The following FAH variants were observed in gnomAD, a reference collection of about 807,000 sequenced individuals.
FAH encodes fumarylacetoacetase.
In FAH, 47 loss-of-function variants were observed where a neutral mutation model predicts 55.8. That is an observed-to-expected ratio of 0.84 (90% CI 0.67 to 1.07). The LOEUF is 1.07. Ranked by LOEUF, FAH falls within the 50% of genes least tolerant of loss-of-function variation. FAH has a pLI of 0.00. For synonymous variants in FAH, 199 were observed against 207.7 expected (o/e 0.96, Z 0.36); for missense variants, 495 against 545.9 (o/e 0.91, Z 0.93).
intron 5 of FAH, among the ~76,000 whole-genome samples, chr15:80,164,630 T>A (rs1420869015): frequency 1.3e-5 from 2 of 152,156 alleles, no homozygotes; most frequent in African/African-American, 4.8e-5. Flanking sequence ...CAAAAAATAT[T>A]AGACTCCAGA....
chr15:80,170,373 G>T (rs2041230268), intron 7 of FAH, among the ~76,000 whole-genome samples: 1 of 152,164 alleles, frequency 6.6e-6, no homozygotes, highest in African/African-American at 2.4e-5. Flanking sequence ...GTTGGTGGAG[G>T]CAGGCTGAAA....
intron 1 of FAH, among the ~76,000 whole-genome samples, chr15:80,154,851 T>C (rs2041084799): frequency 6.6e-6 from 1 of 152,184 alleles, no homozygotes; most frequent in African/African-American, 2.4e-5. Flanking sequence ...ACAGGGGTGC[T>C]CTCTGTGAAG....
chr15:80,175,588 G>A (rs973545047), intron 10 of FAH, among the ~76,000 whole-genome samples: 2 of 152,056 alleles, frequency 1.3e-5, no homozygotes, highest in South Asian at 2.1e-4. Context: ...AGACAGACCC[G>A]AGATCCCCAC....
At chr15:80,159,952 A>G (rs1248663800) in intron 3 of FAH, 75 bp downstream of exon 3, 4 of 1,558,384 alleles carry the variant, frequency 2.6e-6, no homozygotes, top group Non-Finnish European at 3.5e-6. Context: ...TATCAGTGCC[A>G]TTCTGAGTCA....
At position 80,153,192 on chromosome 15, in the gene FAH, G is replaced by C. The variant is rs578112638; in HGVS notation, c.81+57G>C. 1.5e-5 allele frequency: 17 copies of C among 1,154,346 alleles called. 1 individual carries two copies. In the African/African-American group the frequency reaches 2.5e-4, roughly 17 times the overall value. 71.5% of individuals were successfully genotyped at this position (1,154,346 alleles called of 1,614,324 possible). ...GGGAGGGAGTGGAGTGGAGTGGAGT[G>C]GAGTGGAGTGGAGTGGAGTGGAATG... is the stretch of plus-strand genomic sequence containing the variant. On this transcript the variant is annotated intron_variant, in intron 1 of 13. Transcript: ENST00000561421.
chr15:80,162,724 A>G, intron 5 of FAH: 1 of 320,046 alleles, frequency 3.1e-6, no homozygotes, highest in Non-Finnish European at 6.1e-6. Context: ...CCAGTGCTGT[A>G]TATTCCTCAA....
intron 13 of FAH, among the ~76,000 whole-genome samples, chr15:80,185,741 A>G (rs903837631): frequency 2.6e-5 from 4 of 152,236 alleles, no homozygotes; most frequent in African/African-American, 9.6e-5. Flanking sequence ...CCATGAGAAC[A>G]GTATGGAGGA....
intron 5 of FAH, among the ~76,000 whole-genome samples, chr15:80,166,731 G>T (rs1342356735): frequency 6.8e-6 from 1 of 147,512 alleles, no homozygotes; most frequent in African/African-American, 2.5e-5. Context: ...TCGCCTCCCA[G>T]GTTCACGCCA....
At chr15:80,180,009 A>C in intron 11 of FAH, 115 bp from the exon 12 acceptor site, 1 of 761,986 alleles carries the variant, frequency 1.3e-6, no homozygotes, top group Non-Finnish European at 2.3e-6. Flanking sequence ...GGAGCTGGGG[A>C]CCGGGGAAAG....
intron 7 of FAH, among the ~76,000 whole-genome samples, chr15:80,171,324 A>T (rs1444467460): frequency 7.9e-6 from 1 of 126,272 alleles, no homozygotes; most frequent in Non-Finnish European, 1.9e-5. Flanking sequence ...ATAAAAAATG[A>T]TGAGTTCATG....
chr15:80,186,040 C>A, intron 13 of FAH, 90 bp from the exon 14 acceptor site: 1 of 966,670 alleles, frequency 1.0e-6, no homozygotes, highest in Non-Finnish European at 1.7e-6. Flanking sequence ...CTCGGGCCAG[C>A]TGTGTGCTGA....
chr15:80,186,144 G>T lies in FAH; in HGVS notation c.1195G>T (p.Asp399Tyr). Residue 399 changes from aspartate (D) to tyrosine (Y), a missense_variant, in exon 14 of 14, where the codon GAT becomes TAT. Asp to Tyr is a radical substitution (Grantham distance 160). Coordinates refer to ENST00000561421, the MANE Select transcript of FAH (RefSeq NM_000137.4). Reference sequence around the variant, plus strand: ...CTCTGTTCCAGGGTACTGCCAGGGGGATGGTTACCGCATCGGCTTTGGCCA... The same window carrying T: ...CTCTGTTCCAGGGTACTGCCAGGGGTATGGTTACCGCATCGGCTTTGGCCA... ...EVIITGYCQG[D>Y]GYRIGFGQCA... 3 of 1,614,164 alleles carry T rather than the reference G, an allele frequency of 1.9e-6. No homozygotes were observed. The highest frequency in any genetic ancestry group is 2.5e-6 in the Non-Finnish European group (3 of 1,179,966).
chr15:80,177,669 C>A, intron 11 of FAH, 86 bp downstream of exon 11: 1 of 1,275,464 alleles, frequency 7.8e-7, no homozygotes, highest in Non-Finnish European at 1.1e-6. Flanking sequence ...GGAGAGCATT[C>A]CTTTTGGGAT....
At position 80,180,138 on chromosome 15, in the gene FAH, G is replaced by A. The variant is rs776473288; in HGVS notation, c.975G>A (p.Thr325=). 2.5e-6 allele frequency: 4 copies of A among 1,610,612 alleles called. No individual in the cohort carries two copies. The highest frequency in any genetic ancestry group is 2.2e-5 in the East Asian group (1 of 44,870). ...CKSNFKYMYW[T]MLQQLTHHSV... ...ATTGCCTGCAGTACATGTACTGGAC[G>A]ATGCTGCAGCAGCTCACTCACCACT... The change falls in exon 12 of 14, where the codon ACG becomes ACA. Residue 325 remains threonine, a synonymous_variant. Coordinates refer to ENST00000561421, the MANE Select transcript of FAH (RefSeq NM_000137.4).
intron 8 of FAH, 58 bp downstream of exon 8, chr15:80,172,306 G>C: frequency 7.6e-7 from 1 of 1,308,196 alleles, no homozygotes; most frequent in Non-Finnish European, 1.1e-6. Flanking sequence ...GGGACTTGGG[G>C]CAATTTCATA....
chr15:80,165,193 C>A (rs1343977180), intron 5 of FAH, among the ~76,000 whole-genome samples: 2 of 152,020 alleles, frequency 1.3e-5, no homozygotes, highest in Admixed American at 6.6e-5. Flanking sequence ...GAGTTTGAGA[C>A]CAGCCTGGCC....
chr15:80,172,471 G>A (rs768205551), intron 8 of FAH, among the ~76,000 whole-genome samples: 1 of 152,148 alleles, frequency 6.6e-6, no homozygotes, highest in Non-Finnish European at 1.5e-5. Flanking sequence ...GGACACGGCT[G>A]ACATCATAAC....
At chr15:80,186,088 C>A in intron 13 of FAH, 42 bp from the exon 14 acceptor site, 1 of 1,561,776 alleles carries the variant, frequency 6.4e-7, no homozygotes, top group Non-Finnish European at 8.8e-7. Flanking sequence ...TTCCGGTGAG[C>A]CCAGCAACTT....
rs745435849 is a variant in FAH at position 80,173,107 on chromosome 15, A to G, written c.800A>G (p.Asp267Gly). ...TTVSPWVVPM[D>G]ALMPFAVPNP... The stretch of plus-strand genomic sequence containing the variant: ...GTCTCTCCGTGGGTGGTGCCCATGG[A>G]TGCTCTCATGCCCTTTGCTGTGCCC... Residue 267 changes from aspartate to glycine, a missense_variant, in exon 9 of 14, where the codon GAT (aspartate) becomes GGT (glycine). Transcript: ENST00000561421. 5 of 1,614,150 alleles carry G rather than the reference A, an allele frequency of 3.1e-6. No individual in the cohort carries two copies. The highest frequency in any genetic ancestry group is 3.3e-5 in the Admixed American group (2 of 60,022).
Sources: gnomAD v4.1 joint callset for allele counts (sites outside exome capture counted in the v4.1 genomes callset) on GRCh38, gnomAD v4.1.1 for gene constraint, MANE v1.5 for transcripts, NCBI Gene and HGNC (gene_info 2026-07-23, HGNC 2026-07-21) for gene names.